Variants in ANKRD16 observed in about 807,000 individuals in gnomAD.
The protein encoded by ANKRD16 is ankyrin repeat domain 16, also known as ankyrin repeat domain-containing protein 16.
ANKRD16 carries 35 observed loss-of-function variants against 37.9 expected under a neutral mutation model. That is an observed-to-expected ratio of 0.92 (90% CI 0.71 to 1.23). The LOEUF (loss-of-function observed/expected upper bound fraction) is 1.23, where lower values mean the gene tolerates loss of function less well. Among genes scored for constraint, ANKRD16 ranks in the 50% most tolerant of loss-of-function variants. ANKRD16 has a pLI of 0.00. For missense variants in ANKRD16, 480 were observed against 469.9 expected (o/e 1.02, Z -0.20); for synonymous variants, 206 against 197.2 (o/e 1.04, Z -0.37).
chr10:5,888,511 C>T (rs1458236275), intron 1 of ANKRD16, among the ~76,000 whole-genome samples: 1 of 152,194 alleles, frequency 6.6e-6, no homozygotes, highest in Non-Finnish European at 1.5e-5. Flanking sequence ...ATCTAACAAA[C>T]GAAATGCAAT....
chr10:5,881,557 C>T (rs1032722794), intron 5 of ANKRD16, among the ~76,000 whole-genome samples: 3 of 148,014 alleles, frequency 2.0e-5, no homozygotes, highest in Non-Finnish European at 4.5e-5. Flanking sequence ...CTCCACCTCC[C>T]GGGTTCAAGC....
intron 7 of ANKRD16, among the ~76,000 whole-genome samples, chr10:5,873,046 C>G (rs979975893): frequency 7.1e-5 from 4 of 56,012 alleles, no homozygotes; most frequent in Non-Finnish European, 1.5e-4. Context: ...TTTTTTTTTT[C>G]TGAGACAGAG....
chr10:5,885,655 G>T, intron 3 of ANKRD16, 68 bp downstream of exon 3: 1 of 1,558,904 alleles, frequency 6.4e-7, no homozygotes, highest in Non-Finnish European at 8.8e-7. Context: ...AGCTCTTTAT[G>T]TAGCACTGAT....
At chr10:5,888,460 C>T (rs957459440) in intron 1 of ANKRD16, among the ~76,000 whole-genome samples, 1 of 152,224 alleles carries the variant, frequency 6.6e-6, no homozygotes, top group South Asian at 2.1e-4. Context: ...TGTTCACGCC[C>T]TCTAACGAAC....
chr10:5,867,519 TTA>T, intron 7 of ANKRD16, among the ~76,000 whole-genome samples: 1 of 152,256 alleles, frequency 6.6e-6, no homozygotes, highest in East Asian at 1.9e-4. Flanking sequence ...GAACGAGGTT[TTA>T]TTAATAGCAA....
Position 5,887,357 on chromosome 10 carries a change from C to T in ANKRD16, c.535+490G>A, listed in dbSNP as rs1380105456. ...TTAACTTTAGAAATTGATTATATGC[C>T]AAAAGGCCCCTAGATGCTTTTTTTT... On this transcript the variant is annotated intron_variant, in intron 2 of 7. Coordinates refer to ENST00000380094, the MANE Select transcript of ANKRD16 (RefSeq NM_019046.3). 3.4e-5 allele frequency among the ~76,000 whole-genome samples: 5 copies of T among 145,610 alleles called. No homozygotes were observed. The Admixed American group carries it at 3.5e-4, about 10-fold the overall frequency.
chr10:5,884,047 G>T lies in ANKRD16; in HGVS notation c.609C>A (p.Asn203Lys). The T allele has an allele frequency of 6.2e-7, 1 of 1,614,108 alleles. No homozygotes were observed. Among genetic ancestry groups the T allele is most frequent in the East Asian group, 2.2e-5 (1 of 44,890 alleles). Residue 203 changes from asparagine (N) to lysine (K), a missense_variant, in exon 4 of 8, where the codon AAC becomes AAA. By Grantham distance (94) the Asn-to-Lys change is moderately conservative. Coordinates refer to ENST00000380094, the MANE Select transcript of ANKRD16 (RefSeq NM_019046.3). ...RCQYEPDYRD[N>K]CGVTALMDAI... ...CGTCCATCAAGGCGGTGACGCCACAGTTGTCTCTGTAGTCTGGTTCATATT... is the reference window on the plus strand; with the variant it reads ...CGTCCATCAAGGCGGTGACGCCACATTTGTCTCTGTAGTCTGGTTCATATT...
intron 7 of ANKRD16, among the ~76,000 whole-genome samples, chr10:5,877,408 C>T (rs1414460629): frequency 7.2e-5 from 11 of 152,202 alleles, no homozygotes; most frequent in African/African-American, 1.9e-4. Context: ...CCACCATGCC[C>T]GGTCCTTAGT....
intron 2 of ANKRD16, among the ~76,000 whole-genome samples, chr10:5,886,430 A>C (rs1842424542): frequency 6.6e-6 from 1 of 152,216 alleles, no homozygotes; most frequent in Admixed American, 6.5e-5. Context: ...ATCTCTACTA[A>C]AAATATGAAA....
rs1842070196 is a variant in ANKRD16 at position 5,870,410 on chromosome 10, T to C, written c.*33+7687A>G. ...CCTCATTCCCTCCCTACTGCTTTTT[T>C]TTTTTTTTTTTGAAACAGGGTTTTG... On this transcript the variant is annotated intron_variant, in intron 7 of 7. Transcript: ENST00000380094. The surrounding 1 kb of genome is among the most constrained non-coding windows in gnomAD (Gnocchi z 5.0). Among the ~76,000 whole-genome samples, 1 of 151,744 alleles carries C rather than the reference T, an allele frequency of 6.6e-6. No individual in the cohort carries two copies. Among genetic ancestry groups the C allele is most frequent in the Non-Finnish European group, 1.5e-5 (1 of 67,874 alleles).
intron 3 of ANKRD16, among the ~76,000 whole-genome samples, chr10:5,884,520 C>A (rs1842381586): frequency 6.6e-6 from 1 of 152,144 alleles, no homozygotes; most frequent in African/African-American, 2.4e-5. Flanking sequence ...CACCTGAGGT[C>A]AGGAGTTCAA....
Position 5,863,501 on chromosome 10 carries a change from G to A in ANKRD16, c.*34-810C>T, listed in dbSNP as rs924082357. Reference sequence around the variant, plus strand: ...GGATTGTAAACATACCAATCAGCACGCTGTAAAGTGGACCAATCAGCACTC... The same window carrying A: ...GGATTGTAAACATACCAATCAGCACACTGTAAAGTGGACCAATCAGCACTC... On this transcript the variant is annotated intron_variant, in intron 7 of 7. Coordinates refer to ENST00000380094, the MANE Select transcript of ANKRD16 (RefSeq NM_019046.3). This position sits in a 1 kb window ranked among gnomAD's most constrained non-coding sequence, Gnocchi z 4.7. Among the ~76,000 whole-genome samples, 5 of 152,096 alleles carry A rather than the reference G, an allele frequency of 3.3e-5. No individual in the cohort carries two copies. The highest frequency in any genetic ancestry group is 4.2e-4 in the South Asian group (2 of 4,814).
At position 5,866,416 on chromosome 10, in the gene ANKRD16, T is replaced by A. The variant is rs1211095623; in HGVS notation, c.*34-3725A>T. On this transcript the variant is annotated intron_variant, in intron 7 of 7. Transcript: ENST00000380094. This position sits in a 1 kb window ranked among gnomAD's most constrained non-coding sequence, Gnocchi z 4.3. ...TATGCCATTGTTAGTGATGTAACAG[T>A]ACTTGAAAGTAAGTCTCTTCCCCAG... 6.6e-6 allele frequency among the ~76,000 whole-genome samples: 1 copy of A among 152,234 alleles called. No homozygotes were observed. The highest frequency in any genetic ancestry group is 1.5e-5 in the Non-Finnish European group (1 of 68,046).
In ANKRD16 at chr10:5,865,079, T is replaced by C. The variant is rs1841994364; in HGVS notation, c.*34-2388A>G. On this transcript the variant is annotated intron_variant, in intron 7 of 7. Transcript: ENST00000380094. The surrounding 1 kb of genome is among the most constrained non-coding windows in gnomAD (Gnocchi z 4.7). ...ATGATAAGGACCAAGAGGAACAGGCTGAAAAGGAAACGTTAGATCAGAGAA... is the reference window on the plus strand; with the variant it reads ...ATGATAAGGACCAAGAGGAACAGGCCGAAAAGGAAACGTTAGATCAGAGAA... Among the ~76,000 whole-genome samples the C allele has an allele frequency of 6.6e-6, 1 of 152,102 alleles. No individual in the cohort carries two copies. Among genetic ancestry groups the C allele is most frequent in the East Asian group, 1.9e-4 (1 of 5,186 alleles).
chr10:5,877,844 C>T (rs1460672446), intron 7 of ANKRD16, among the ~76,000 whole-genome samples: 3 of 152,162 alleles, frequency 2.0e-5, no homozygotes, highest in African/African-American at 7.2e-5. Context: ...AGCCTGATCG[C>T]GCAAACGTTA....
intron 2 of ANKRD16, among the ~76,000 whole-genome samples, chr10:5,886,360 G>C (rs1370922220): frequency 1.3e-5 from 2 of 152,230 alleles, no homozygotes; most frequent in African/African-American, 4.8e-5. Flanking sequence ...GGAGGCCAAG[G>C]TGGGTGGATC....
chr10:5,879,727 T>TGCTTTAAATAACA (rs1554796465), intron 6 of ANKRD16, among the ~76,000 whole-genome samples: 6 of 151,582 alleles, frequency 4.0e-5, no homozygotes, highest in Non-Finnish European at 8.8e-5. Flanking sequence ...GCATATATTG[T>TGCTTTAAATAACA]TATGGTTTAA....
chr10:5,889,500 GCCCCCGGCTTTGT>G lies in ANKRD16; in HGVS notation c.-159_-147del, dbSNP rs912795275. ...CGAACCCGGCAGAACCGCCCCTCAC[GCCCCCGGCTTTGT>G]CCCCGGCAGAGCCGCCTCCTCAAAC... is the stretch of plus-strand genomic sequence containing the variant. On this transcript the variant is annotated 5_prime_UTR_variant, in exon 1 of 8. Transcript: ENST00000380094. 1 of 483,392 alleles carries G rather than the reference GCCCCCGGCTTTGT, an allele frequency of 2.1e-6. No individual in the cohort carries two copies. The highest frequency in any genetic ancestry group is 2.1e-5 in the African/African-American group (1 of 48,214). The allele number at this position is 483,392 out of a possible 1,614,324, so 29.9% of individuals were successfully genotyped here.
Position 5,870,935 on chromosome 10 carries a change from C to T in ANKRD16, c.*33+7162G>A, listed in dbSNP as rs1299180910. Reference sequence around the variant, plus strand: ...TTTCCCAGGAGCGCCCAGGCCTGTCCTCAGTATCAAGTCAATCACATTTTC... The same window carrying T: ...TTTCCCAGGAGCGCCCAGGCCTGTCTTCAGTATCAAGTCAATCACATTTTC... On this transcript the variant is annotated intron_variant, in intron 7 of 7. Coordinates refer to ENST00000380094, the MANE Select transcript of ANKRD16 (RefSeq NM_019046.3). This position sits in a 1 kb window ranked among gnomAD's most constrained non-coding sequence, Gnocchi z 5.0. Among the ~76,000 whole-genome samples the T allele has an allele frequency of 6.6e-6, 1 of 152,184 alleles. No homozygotes were observed. The highest frequency in any genetic ancestry group is 1.9e-4 in the East Asian group (1 of 5,194).
Sources: allele counts gnomAD v4.1 joint callset (sites outside exome capture counted in the v4.1 genomes callset), GRCh38; gene constraint gnomAD v4.1.1; non-coding constraint Gnocchi (gnomAD v3.1); transcripts MANE v1.5; gene names NCBI Gene and HGNC (gene_info 2026-07-23, HGNC 2026-07-21).